TRDN: variants seen among roughly 807,000 people sequenced by gnomAD.
TRDN encodes the protein triadin in skeletal muscle.
In TRDN, 161 loss-of-function variants were observed where a neutral mutation model predicts 149.7. The observed-to-expected ratio is 1.08, with a 90% CI of 0.95 to 1.23. The LOEUF is 1.23. Ranked by LOEUF, TRDN falls within the 50% of genes most tolerant of loss-of-function variation. The pLI is 0.00. For missense variants in TRDN, 896 were observed against 823.5 expected, an observed-to-expected ratio of 1.09 and a Z score of -1.08; for synonymous variants, 294 against 250.5, an observed-to-expected ratio of 1.17 and a Z score of -1.64.
intron 9 of TRDN, chr6:123,470,213 C>T (rs1287073783): frequency 6.6e-6 from 1 of 152,028 alleles, no homozygotes; most frequent in African/African-American, 2.4e-5. Context: ...ATATATAGGA[C>T]TTCCTCTGAG....
In TRDN at chr6:123,388,561, T is replaced by C. The variant is rs183072716; in HGVS notation, c.1106-10A>G. On this transcript the variant is annotated splice_polypyrimidine_tract_variant and intron_variant, in intron 13 of 40. Coordinates refer to ENST00000334268, the MANE Select transcript of TRDN (RefSeq NM_006073.4). ...TCCTTCTTAGCTGCTGCTGAAGTAA[T>C]GAAAATAGCGTTAAGGCATATGAAA... is the stretch of plus-strand genomic sequence containing the variant. 1.9e-6 allele frequency: 3 copies of C among 1,581,346 alleles called. No individual in the cohort carries two copies. The highest frequency in any genetic ancestry group is 1.7e-6 in the Non-Finnish European group (2 of 1,161,286).
chr6:123,418,309 G>C (rs1382206053), intron 12 of TRDN, among the ~76,000 whole-genome samples: 1 of 151,600 alleles, frequency 6.6e-6, no homozygotes, highest in African/African-American at 2.4e-5. Context: ...GTTTCATGCT[G>C]TGTGTGTGTG....
chr6:123,538,474 TAAAC>T (rs911860284), intron 4 of TRDN, among the ~76,000 whole-genome samples: 9 of 152,256 alleles, frequency 5.9e-5, no homozygotes, highest in Non-Finnish European at 1.3e-4. Context: ...GTTTGATTGG[TAAAC>T]AAATATTTCT....
intron 22 of TRDN, 72 bp from the exon 23 acceptor site, chr6:123,332,001 G>A: frequency 1.7e-6 from 2 of 1,203,408 alleles, no homozygotes; most frequent in Admixed American, 2.6e-5. Flanking sequence ...AATGAAGTCA[G>A]TAAGCTGAAA....
At chr6:123,222,999 T>C (rs933186020) in intron 39 of TRDN, among the ~76,000 whole-genome samples, 2 of 151,566 alleles carry the variant, frequency 1.3e-5, no homozygotes, top group Non-Finnish European at 3.0e-5. Context: ...AAAAATAACA[T>C]ATGTTGAGGA....
intron 23 of TRDN, among the ~76,000 whole-genome samples, chr6:123,320,654 G>T (rs1173592357): frequency 6.6e-6 from 1 of 152,034 alleles, no homozygotes; most frequent in Non-Finnish European, 1.5e-5. Context: ...AACTAAAGTT[G>T]CTACTGATAG....
chr6:123,320,671 A>G (rs1466046570), intron 23 of TRDN, among the ~76,000 whole-genome samples: 1 of 152,158 alleles, frequency 6.6e-6, no homozygotes, highest in East Asian at 1.9e-4. Context: ...ATAGAATTAA[A>G]AGCTTTGAAG....
intron 2 of TRDN, among the ~76,000 whole-genome samples, chr6:123,560,017 C>T (rs1781895854): frequency 1.3e-5 from 2 of 152,200 alleles, no homozygotes; most frequent in Non-Finnish European, 2.9e-5. Flanking sequence ...CCCATGACTT[C>T]AGTCTAGTCA....
intron 38 of TRDN, among the ~76,000 whole-genome samples, chr6:123,248,189 A>G (rs1485669725): frequency 2.0e-5 from 3 of 152,174 alleles, no homozygotes; most frequent in Non-Finnish European, 4.4e-5. Flanking sequence ...CAGCTAGCCT[A>G]AGCAGGAATA....
chr6:123,625,654 G>A (rs1046643023), intron 1 of TRDN, among the ~76,000 whole-genome samples: 11 of 152,048 alleles, frequency 7.2e-5, no homozygotes, highest in African/African-American at 2.4e-4. Flanking sequence ...TGGATACCCC[G>A]CTTATCCTGA....
intron 5 of TRDN, chr6:123,528,940 A>T: frequency 8.6e-7 from 1 of 1,167,514 alleles, no homozygotes; most frequent in Non-Finnish European, 1.1e-6. Flanking sequence ...TCAGGTTGAT[A>T]ATCTCCAGCT....
chr6:123,559,065 ACT>A (rs1562388170), intron 2 of TRDN, among the ~76,000 whole-genome samples: 1 of 152,146 alleles, frequency 6.6e-6, no homozygotes, highest in African/African-American at 2.4e-5. Context: ...AGGCTCTCTG[ACT>A]GACTCCTTCC....
chr6:123,386,856 C>A (rs899715668), intron 14 of TRDN, among the ~76,000 whole-genome samples: 1 of 152,168 alleles, frequency 6.6e-6, no homozygotes, highest in Non-Finnish European at 1.5e-5. Context: ...CCTCTGGCTA[C>A]TCTTACATTT....
At chr6:123,253,104 A>C (rs998684036) in intron 37 of TRDN, among the ~76,000 whole-genome samples, 15 of 152,116 alleles carry the variant, frequency 9.9e-5, no homozygotes, top group Admixed American at 4.6e-4. Context: ...AAAAAACAAC[A>C]TGCAAAGTAA....
At chr6:123,504,721 T>C (rs1247039620) in intron 7 of TRDN, among the ~76,000 whole-genome samples, 1 of 152,184 alleles carries the variant, frequency 6.6e-6, no homozygotes, top group Non-Finnish European at 1.5e-5. Flanking sequence ...AAGAGGGAAC[T>C]GTGATGCAAA....
intron 4 of TRDN, among the ~76,000 whole-genome samples, chr6:123,541,972 TA>T (rs1473025814): frequency 2.0e-5 from 3 of 152,180 alleles, no homozygotes; most frequent in African/African-American, 7.2e-5. Context: ...TTATGATGCT[TA>T]AATTTTCTGG....
intron 9 of TRDN, among the ~76,000 whole-genome samples, chr6:123,480,122 T>A (rs965667890): frequency 3.3e-5 from 5 of 152,012 alleles, no homozygotes; most frequent in Non-Finnish European, 5.9e-5. Flanking sequence ...ATCATTCATT[T>A]CATTAGAAAT....
intron 2 of TRDN, among the ~76,000 whole-genome samples, chr6:123,551,629 G>A (rs772708239): frequency 1.3e-5 from 2 of 151,740 alleles, no homozygotes; most frequent in African/African-American, 2.4e-5. Context: ...AAACTTTACA[G>A]GTATTAATTC....
chr6:123,466,750 A>T (rs1776844427), intron 9 of TRDN, among the ~76,000 whole-genome samples: 1 of 152,130 alleles, frequency 6.6e-6, no homozygotes, highest in Non-Finnish European at 1.5e-5. Context: ...AGAAGGAGTC[A>T]GTTAAATGAC....
Sources: gnomAD v4.1 joint callset for allele counts (sites outside exome capture counted in the v4.1 genomes callset) on GRCh38, gnomAD v4.1.1 for gene constraint, MANE v1.5 for transcripts, NCBI Gene and HGNC (gene_info 2026-07-23, HGNC 2026-07-21) for gene names.